The following CCDC69 variants were observed in gnomAD, a reference collection of about 807,000 sequenced individuals.
The protein encoded by CCDC69 is coiled-coil domain-containing protein 69.
In CCDC69, 38 loss-of-function variants were observed where a neutral mutation model predicts 40.3. That is an observed-to-expected ratio of 0.94 (90% CI 0.73 to 1.24). The LOEUF is 1.24. Ranked by LOEUF, CCDC69 falls within the 50% of genes most tolerant of loss-of-function variation. CCDC69 has a pLI of 0.00. For missense variants in CCDC69, 389 were observed against 357.9 expected (o/e 1.09, Z -0.70); for synonymous variants, 141 against 138.9 (o/e 1.02, Z -0.11).
chr5:151,211,674 C>A (rs913452053), intron 1 of CCDC69, among the ~76,000 whole-genome samples: 23 of 152,060 alleles, frequency 1.5e-4, no homozygotes, highest in Non-Finnish European at 3.1e-4. Flanking sequence ...CAGGCACATA[C>A]CACCACACCA....
intron 1 of CCDC69, chr5:151,210,838 C>T (rs1582049167): frequency 2.0e-5 from 3 of 151,756 alleles, no homozygotes; most frequent in African/African-American, 4.8e-5. Context: ...TGTGGTGGCA[C>T]GTGCCTGTAA....
In CCDC69 at chr5:151,215,524, A is replaced by G. The variant is rs552677255; in HGVS notation, c.48+8399T>C. 23 of 281,012 alleles carry G rather than the reference A, an allele frequency of 8.2e-5. No homozygotes were observed. In the Admixed American group the frequency reaches 8.8e-4, roughly 11 times the overall value. 17.4% of individuals were successfully genotyped at this position (281,012 alleles called of 1,614,324 possible). On this transcript the variant is annotated intron_variant, in intron 1 of 8. Transcript: ENST00000355417. ...CTGGGCAGGGCAGAGGCAGTTTGAC[A>G]CACTCAGCTGTTAGCTCTGGTCATG...
intron 1 of CCDC69, 54 bp from the exon 2 acceptor site, chr5:151,205,529 G>A: frequency 4.1e-6 from 6 of 1,447,832 alleles, no homozygotes; most frequent in South Asian, 2.3e-5. Flanking sequence ...AGGTCAATGC[G>A]AGGACGGGCT....
intron 4 of CCDC69, among the ~76,000 whole-genome samples, chr5:151,196,366 C>A (rs1202134303): frequency 2.6e-5 from 4 of 152,072 alleles, no homozygotes; most frequent in Non-Finnish European, 5.9e-5. Flanking sequence ...ATCATGTTGG[C>A]CAGGCTGGTC....
At chr5:151,200,240 G>C (rs1183645325) in intron 3 of CCDC69, among the ~76,000 whole-genome samples, 2 of 151,942 alleles carry the variant, frequency 1.3e-5, no homozygotes, top group Non-Finnish European at 2.9e-5. Context: ...CCAGGTTCAA[G>C]TGATTCTCCT....
intron 1 of CCDC69, among the ~76,000 whole-genome samples, chr5:151,208,443 C>G (rs1752883866): frequency 6.6e-6 from 1 of 152,260 alleles, no homozygotes. Flanking sequence ...GTGCTGGGCA[C>G]AGAGCCTGGC....
intron 2 of CCDC69, among the ~76,000 whole-genome samples, chr5:151,204,391 A>G (rs541388475): frequency 6.6e-6 from 1 of 152,340 alleles, no homozygotes; most frequent in South Asian, 2.1e-4. Context: ...CTTATGCGGT[A>G]CTTGAACTTC....
intron 1 of CCDC69, among the ~76,000 whole-genome samples, chr5:151,219,097 C>T (rs967180538): frequency 2.6e-5 from 4 of 152,180 alleles, no homozygotes; most frequent in African/African-American, 7.2e-5. Flanking sequence ...ATCATCAGCT[C>T]GGAGGCCATG....
chr5:151,187,623 G>A (rs1297858355), intron 4 of CCDC69, among the ~76,000 whole-genome samples, 164 bp from the exon 5 acceptor site: 1 of 152,150 alleles, frequency 6.6e-6, no homozygotes, highest in African/African-American at 2.4e-5. Context: ...TTGCTTGGGG[G>A]CTGTGCCAGA....
chr5:151,213,448 T>A (rs1265715470), intron 1 of CCDC69, among the ~76,000 whole-genome samples: 1 of 151,772 alleles, frequency 6.6e-6, no homozygotes, highest in African/African-American at 2.4e-5. Flanking sequence ...AAGATGGGGT[T>A]TCACCATGTT....
Position 151,189,327 on chromosome 5 carries a change from TATA to T in CCDC69, c.320-1871_320-1869del, listed in dbSNP as rs199624836. ...AAAAGGAAATTTTAGAACTAAAAAG[TATA>T]ATAAGTGAAATAAAAACTCACTAGG... On this transcript the variant is annotated intron_variant, in intron 4 of 8. Transcript: ENST00000355417. Among the ~76,000 whole-genome samples, 1,053 of 151,822 alleles carry T rather than the reference TATA, an allele frequency of 6.9e-3. 7 individuals carry two copies. Among genetic ancestry groups the T allele is most frequent in the African/African-American group, 0.024 (1,013 of 41,404 alleles).
rs1766689802 is a variant in CCDC69, at chr5:151,184,373, G to A, written c.684C>T (p.Val228=). 1 of 1,613,964 alleles carries A rather than the reference G, an allele frequency of 6.2e-7. No individual in the cohort carries two copies. Among genetic ancestry groups the A allele is most frequent in the South Asian group, 1.1e-5 (1 of 91,090 alleles). Residue 228 remains valine (V), a synonymous_variant, in exon 8 of 9, where the codon GTC becomes GTT. Transcript: ENST00000355417. ...TLQQENEDLH[V]RSRNQVVLSR... is the part of the protein sequence containing the mutation. ...ACAGGACCACCTGGTTGCGGCTTCG[G>A]ACATGGAGGTCCTCATTTTCCTGTT... is the stretch of plus-strand genomic sequence containing the variant.
chr5:151,205,508 T>A (rs180686910), intron 1 of CCDC69, 33 bp from the exon 2 acceptor site: 2 of 1,597,668 alleles, frequency 1.3e-6, no homozygotes, highest in East Asian at 4.5e-5. Flanking sequence ...AAGGCGTGGG[T>A]AGAGGGTGGG....
intron 4 of CCDC69, among the ~76,000 whole-genome samples, chr5:151,187,761 A>G (rs567051435): frequency 1.3e-5 from 2 of 152,232 alleles, no homozygotes; most frequent in Non-Finnish European, 1.5e-5. Flanking sequence ...TGCAGGAAGC[A>G]TGTTCACCTA....
chr5:151,204,847 A>G (rs1462679968), intron 2 of CCDC69, among the ~76,000 whole-genome samples: 1 of 152,156 alleles, frequency 6.6e-6, no homozygotes, highest in East Asian at 1.9e-4. Context: ...TATTTTATAT[A>G]TATGTATATA....
intron 1 of CCDC69, among the ~76,000 whole-genome samples, chr5:151,217,013 T>A (rs1345436529): frequency 6.6e-6 from 1 of 152,114 alleles, no homozygotes; most frequent in Non-Finnish European, 1.5e-5. Flanking sequence ...TACATTCTAA[T>A]GTTCCATAGC....
At chr5:151,183,868 AT>A (rs1267442903) in intron 8 of CCDC69, among the ~76,000 whole-genome samples, 1 of 152,248 alleles carries the variant, frequency 6.6e-6, no homozygotes, top group African/African-American at 2.4e-5. Flanking sequence ...TGAATAAGTT[AT>A]TCATTCTTCT....
chr5:151,206,345 C>T (rs1000280557), intron 1 of CCDC69, among the ~76,000 whole-genome samples: 12 of 152,236 alleles, frequency 7.9e-5, no homozygotes, highest in African/African-American at 2.6e-4. Context: ...CCAATCCTCT[C>T]GGGTTTTTCA....
chr5:151,212,235 T>C (rs1305318463), intron 1 of CCDC69: 1 of 152,674 alleles, frequency 6.5e-6, no homozygotes, highest in Non-Finnish European at 1.5e-5. Context: ...GGAGACTCAA[T>C]TCCAGCTTTA....
Sources: allele counts gnomAD v4.1 joint callset (sites outside exome capture counted in the v4.1 genomes callset), GRCh38; gene constraint gnomAD v4.1.1; transcripts MANE v1.5; gene names NCBI Gene and HGNC (gene_info 2026-07-23, HGNC 2026-07-21).